The following CLOCK variants were observed in gnomAD, a reference collection of about 807,000 sequenced individuals.
CLOCK encodes circadian locomoter output cycles protein kaput.
CLOCK carries 43 observed loss-of-function variants against 118.4 expected under a neutral mutation model. That is an observed-to-expected ratio of 0.36 (90% CI 0.28 to 0.47). The LOEUF is 0.47. Ranked by LOEUF, CLOCK falls within the 20% of genes least tolerant of loss-of-function variation. CLOCK has a pLI of 1.00. For missense variants in CLOCK, 846 were observed against 999.9 expected (o/e 0.85, Z 2.08); for synonymous variants, 326 against 339.2 (o/e 0.96, Z 0.43).
intron 1 of CLOCK, among the ~76,000 whole-genome samples, chr4:55,540,004 T>C (rs1028038105): frequency 2.7e-5 from 3 of 111,130 alleles, no homozygotes; most frequent in Admixed American, 1.1e-4. Flanking sequence ...TCCAATGATA[T>C]TAATTTTTTT....
chr4:55,484,199 T>C (rs965677593), intron 3 of CLOCK, among the ~76,000 whole-genome samples: 2 of 152,034 alleles, frequency 1.3e-5, no homozygotes, highest in Admixed American at 1.3e-4. Flanking sequence ...TTTTTTTTCT[T>C]TTTGTTTTTG....
At chr4:55,499,152 C>A (rs1728272327) in intron 2 of CLOCK, among the ~76,000 whole-genome samples, 1 of 145,298 alleles carries the variant, frequency 6.9e-6, no homozygotes, top group Non-Finnish European at 1.5e-5. Context: ...ATTCCATCAT[C>A]TGGATCATCT....
At chr4:55,460,783 G>A (rs1725276020) in intron 9 of CLOCK, among the ~76,000 whole-genome samples, 1 of 152,122 alleles carries the variant, frequency 6.6e-6, no homozygotes, top group African/African-American at 2.4e-5. Context: ...TATCATCATA[G>A]ATGGCTTTAT....
intron 21 of CLOCK, among the ~76,000 whole-genome samples, chr4:55,441,535 G>A (rs145644173): frequency 2.0e-5 from 3 of 152,294 alleles, no homozygotes; most frequent in Non-Finnish European, 4.4e-5. Flanking sequence ...ATACACCATG[G>A]CCTACTACTC....
At chr4:55,481,509 C>T (rs569412568) in intron 4 of CLOCK, among the ~76,000 whole-genome samples, 1 of 152,240 alleles carries the variant, frequency 6.6e-6, no homozygotes, top group East Asian at 1.9e-4. Flanking sequence ...TCATTAATTC[C>T]GCCTGTAACT....
intron 1 of CLOCK, among the ~76,000 whole-genome samples, chr4:55,523,923 A>G (rs1204083764): frequency 1.3e-5 from 2 of 152,206 alleles, no homozygotes; most frequent in African/African-American, 4.8e-5. Flanking sequence ...AATTAAAATG[A>G]GCAATCCAAC....
chr4:55,471,285 G>A (rs1341678758), intron 7 of CLOCK, among the ~76,000 whole-genome samples: 1 of 152,170 alleles, frequency 6.6e-6, no homozygotes, highest in African/African-American at 2.4e-5. Flanking sequence ...GGAAATTAAG[G>A]TGAAAAATTA....
rs1185595631 is a variant in CLOCK, at chr4:55,458,984, C to G, written c.700G>C (p.Glu234Gln). 6.2e-7 allele frequency: 1 copy of G among 1,613,694 alleles called. No individual in the cohort carries two copies. The highest frequency in any genetic ancestry group is 2.2e-5 in the East Asian group (1 of 44,834). Residue 234 changes from glutamate to glutamine, a missense_variant, in exon 11 of 23, where the codon GAA (glutamate) becomes CAA (glutamine). Coordinates refer to ENST00000513440, the MANE Select transcript of CLOCK (RefSeq NM_004898.4). ...CTATGTGTGCGTTGTATAGTTCCTT[C>G]AAAACCATTGTGTGCTGAAGAGGAT... ...SVSSSAHNGF[E>Q]GTIQRTHRPS... is the part of the protein sequence containing the mutation.
intron 15 of CLOCK, 200 bp downstream of exon 15, chr4:55,452,854 T>A: frequency 2.1e-6 from 1 of 468,902 alleles, no homozygotes; most frequent in East Asian, 3.8e-5. Context: ...ATCAGACACA[T>A]CTCTCATCCA....
At position 55,531,703 on chromosome 4, in the gene CLOCK, C is replaced by CA. The variant is rs373796432; in HGVS notation, c.-290+15078dup. Among the ~76,000 whole-genome samples the CA allele has an allele frequency of 3.8e-3, 156 of 41,278 alleles. 11 individuals carry two copies. The highest frequency in any genetic ancestry group is 0.013 in the African/African-American group (149 of 11,296). The allele number at this position is 41,278 out of a possible 152,430, so 27.1% of individuals were successfully genotyped here. ...CTGGCGACAGAGCAAGACTTCGTCT[C>CA]AAAAAAAAAAAAAAAAAAAAAAAAA... On this transcript the variant is annotated intron_variant, in intron 1 of 22. Coordinates refer to ENST00000513440, the MANE Select transcript of CLOCK (RefSeq NM_004898.4).
chr4:55,502,763 T>G (rs1361139604), intron 2 of CLOCK, among the ~76,000 whole-genome samples: 1 of 152,152 alleles, frequency 6.6e-6, no homozygotes, highest in Non-Finnish European at 1.5e-5. Context: ...AAAGATATCT[T>G]CAATACAACT....
intron 2 of CLOCK, among the ~76,000 whole-genome samples, chr4:55,492,170 T>G (rs999978089): frequency 1.3e-5 from 2 of 152,036 alleles, no homozygotes; most frequent in Admixed American, 1.3e-4. Context: ...AACGCAACAG[T>G]AAATTAAAAG....
intron 1 of CLOCK, among the ~76,000 whole-genome samples, chr4:55,535,222 T>TG (rs1730816493): frequency 1.3e-5 from 1 of 78,726 alleles, no homozygotes; most frequent in South Asian, 3.1e-4. Context: ...TTATGGTGAT[T>TG]ACAAGAATGT....
chr4:55,502,964 C>T, intron 2 of CLOCK, among the ~76,000 whole-genome samples: 1 of 152,170 alleles, frequency 6.6e-6, no homozygotes, highest in East Asian at 1.9e-4. Context: ...ACTACATATG[C>T]TCCATAAGAG....
Position 55,435,546 on chromosome 4 carries a change from CAG to C in CLOCK, c.2408_2409del (p.Ser803CysfsTer32). ...HGNPSTQLIL[S>X]AAFPLQQSTF... is the part of the protein sequence containing the mutation. The stretch of plus-strand genomic sequence containing the variant: ...GTGCTCTGTTGTAGAGGAAATGCAG[CAG>C]AGAGAATGAGTTGAGTTGAGGGATT... On this transcript the variant is annotated frameshift_variant, in exon 23 of 23. Coordinates refer to ENST00000513440, the MANE Select transcript of CLOCK (RefSeq NM_004898.4). LOFTEE classifies it high-confidence loss of function. 1 of 1,613,986 alleles carries C rather than the reference CAG, an allele frequency of 6.2e-7. No individual in the cohort carries two copies. Among genetic ancestry groups the C allele is most frequent in the Non-Finnish European group, 8.5e-7 (1 of 1,179,900 alleles).
rs944454920 is a variant in CLOCK at position 55,433,006 on chromosome 4, A to T, written c.*2409T>A. 2 of 152,612 alleles carry T rather than the reference A, an allele frequency of 1.3e-5. No homozygotes were observed. Among genetic ancestry groups the T allele is most frequent in the African/African-American group, 4.8e-5 (2 of 41,450 alleles). The allele number at this position is 152,612 out of a possible 1,614,324, so 9.5% of individuals were successfully genotyped here. ...ATCTTTTAAGTGTGGTATGTAGAGG[A>T]CAGGCCTCAATATAATAGTTCTTCA... On this transcript the variant is annotated 3_prime_UTR_variant, in exon 23 of 23. Transcript: ENST00000513440.
chr4:55,469,553 T>C (rs1346203535), intron 8 of CLOCK, among the ~76,000 whole-genome samples: 2 of 152,220 alleles, frequency 1.3e-5, no homozygotes, highest in African/African-American at 4.8e-5. Flanking sequence ...AGGACAGTGA[T>C]GTTGATGATC....
chr4:55,474,114 C>G (rs1462559931), intron 7 of CLOCK, among the ~76,000 whole-genome samples: 4 of 152,166 alleles, frequency 2.6e-5, no homozygotes, highest in Non-Finnish European at 5.9e-5. Context: ...AGACCTCTTG[C>G]AACCAAACAA....
intron 8 of CLOCK, among the ~76,000 whole-genome samples, chr4:55,464,565 G>C (rs1725600176): frequency 6.6e-6 from 1 of 152,200 alleles, no homozygotes; most frequent in Non-Finnish European, 1.5e-5. Flanking sequence ...GGGATGCTGA[G>C]ACAGTATCTC....
Sources: gnomAD v4.1 joint callset for allele counts (sites outside exome capture counted in the v4.1 genomes callset) on GRCh38, gnomAD v4.1.1 for gene constraint, MANE v1.5 for transcripts, NCBI Gene and HGNC (gene_info 2026-07-23, HGNC 2026-07-21) for gene names.